The following GRM7 variants were observed in gnomAD, a reference collection of about 807,000 sequenced individuals.
GRM7 encodes metabotropic glutamate receptor 7.
In GRM7, 35 loss-of-function variants were observed where a neutral mutation model predicts 84.5. The observed-to-expected ratio is 0.41, with a 90% CI of 0.32 to 0.55. The LOEUF (loss-of-function observed/expected upper bound fraction) is 0.55. GRM7 is among the 20% of genes least tolerant of loss of function. GRM7 has a pLI of 0.19. For synonymous variants in GRM7, 487 were observed against 455.1 expected, an observed-to-expected ratio of 1.07 and a Z score of -0.89; for missense variants, 1,003 against 1,194.6, an observed-to-expected ratio of 0.84 and a Z score of 2.36.
At chr3:7,096,126 C>A (rs1352874632) in intron 1 of GRM7, among the ~76,000 whole-genome samples, 4 of 152,054 alleles carry the variant, frequency 2.6e-5, no homozygotes, top group African/African-American at 9.7e-5. Context: ...ATTCTGCTCT[C>A]CCCTATCCTA....
intron 8 of GRM7, among the ~76,000 whole-genome samples, chr3:7,588,822 C>T (rs116355919): frequency 6.6e-6 from 1 of 152,186 alleles, no homozygotes; most frequent in Non-Finnish European, 1.5e-5. Flanking sequence ...ATTGCACGCT[C>T]TTCGTCCTCA....
At chr3:7,065,751 A>G (rs904601270) in intron 1 of GRM7, among the ~76,000 whole-genome samples, 4 of 151,672 alleles carry the variant, frequency 2.6e-5, no homozygotes, top group Non-Finnish European at 4.4e-5. Flanking sequence ...TCAGATGGAG[A>G]TTGCATTGAA....
chr3:7,208,419 C>T (rs1051908895), intron 2 of GRM7, among the ~76,000 whole-genome samples: 1 of 152,046 alleles, frequency 6.6e-6, no homozygotes, highest in African/African-American at 2.4e-5. Context: ...TGGTGCGTGA[C>T]CTTAGTCAAG....
intron 2 of GRM7, among the ~76,000 whole-genome samples, chr3:7,254,125 T>C (rs1698112686): frequency 6.6e-6 from 1 of 152,170 alleles, no homozygotes; most frequent in African/African-American, 2.4e-5. Context: ...CACAGCTAAC[T>C]TCAGCAAGGT....
chr3:7,351,088 G>T (rs748457565), intron 4 of GRM7, among the ~76,000 whole-genome samples: 2 of 152,082 alleles, frequency 1.3e-5, no homozygotes, highest in Non-Finnish European at 2.9e-5. Context: ...AAAGGATCCA[G>T]TCAGGTCTCA....
intron 2 of GRM7, among the ~76,000 whole-genome samples, chr3:7,278,143 G>A (rs1433640447): frequency 2.0e-5 from 3 of 152,008 alleles, no homozygotes; most frequent in East Asian, 1.9e-4. Context: ...GTGATAAGAT[G>A]CACAAAGACT....
At chr3:7,432,421 A>G (rs939362129) in intron 5 of GRM7, among the ~76,000 whole-genome samples, 3 of 152,120 alleles carry the variant, frequency 2.0e-5, no homozygotes, top group Non-Finnish European at 4.4e-5. Context: ...CCTGGGTTCA[A>G]GTGATTCTCC....
At chr3:7,424,097 G>C (rs1193049650) in intron 5 of GRM7, among the ~76,000 whole-genome samples, 1 of 152,068 alleles carries the variant, frequency 6.6e-6, no homozygotes, top group East Asian at 1.9e-4. Context: ...AAGTTACTCA[G>C]ACATTCCCAA....
chr3:7,664,581 T>A (rs1311695178), intron 8 of GRM7, among the ~76,000 whole-genome samples: 1 of 152,228 alleles, frequency 6.6e-6, no homozygotes, highest in Non-Finnish European at 1.5e-5. Context: ...TACATAGGTA[T>A]ACACGTGCAA....
intron 8 of GRM7, among the ~76,000 whole-genome samples, chr3:7,661,834 T>TATCA (rs1220962211): frequency 2.9e-5 from 3 of 102,084 alleles, no homozygotes; most frequent in Non-Finnish European, 4.1e-5. Context: ...AAAATGCTAC[T>TATCA]ATCAGTTTGG....
intron 1 of GRM7, among the ~76,000 whole-genome samples, chr3:7,096,878 A>G (rs1225236124): frequency 6.6e-6 from 1 of 152,182 alleles, no homozygotes; most frequent in Non-Finnish European, 1.5e-5. Flanking sequence ...ATTCTTTATT[A>G]TGCTATAGAT....
chr3:7,355,828 A>G (rs555043122), intron 4 of GRM7, among the ~76,000 whole-genome samples: 1 of 152,170 alleles, frequency 6.6e-6, no homozygotes, highest in East Asian at 1.9e-4. Context: ...TATTCCTGCT[A>G]TGTTGTCTTC....
chr3:6,933,188 A>G (rs1284686084), intron 1 of GRM7, among the ~76,000 whole-genome samples: 2 of 152,262 alleles, frequency 1.3e-5, no homozygotes, highest in East Asian at 3.8e-4. Context: ...CTGAAAGACA[A>G]TAGTTATTAT....
chr3:6,935,513 C>T (rs79831667), intron 1 of GRM7, among the ~76,000 whole-genome samples: 2,949 of 151,686 alleles, frequency 0.019, 104 homozygotes, highest in African/African-American at 0.068. Context: ...GTTTATTGCC[C>T]CTCAAGGTCT....
chr3:7,220,756 C>T (rs926307896), intron 2 of GRM7, among the ~76,000 whole-genome samples: 1 of 152,162 alleles, frequency 6.6e-6, no homozygotes, highest in Admixed American at 6.5e-5. Context: ...ATTGTCTTCA[C>T]AATTTTTCTG....
At chr3:6,998,216 A>C (rs1694893161) in intron 1 of GRM7, among the ~76,000 whole-genome samples, 1 of 151,520 alleles carries the variant, frequency 6.6e-6, no homozygotes, top group African/African-American at 2.4e-5. Flanking sequence ...GGAGAAATTG[A>C]CCAAAACAAA....
Position 7,466,304 on chromosome 3 carries a change from C to T in GRM7, c.1515+4582C>T, listed in dbSNP as rs182814541. Among the ~76,000 whole-genome samples, 4 of 152,234 alleles carry T rather than the reference C, an allele frequency of 2.6e-5. No homozygotes were observed. The South Asian group carries it at 6.2e-4, about 24-fold the overall frequency. Reference sequence around the variant, plus strand: ...ATATATGGCATTTTAGGGCTACAGACAGGCACTGGTTTAGAGACACCCACC... The same window carrying T: ...ATATATGGCATTTTAGGGCTACAGATAGGCACTGGTTTAGAGACACCCACC... On this transcript the variant is annotated intron_variant, in intron 7 of 9. Coordinates refer to ENST00000357716, the MANE Select transcript of GRM7 (RefSeq NM_000844.4).
intron 1 of GRM7, among the ~76,000 whole-genome samples, chr3:7,034,251 G>A (rs1420249494): frequency 6.6e-6 from 1 of 151,718 alleles, no homozygotes; most frequent in Non-Finnish European, 1.5e-5. Flanking sequence ...CAGCTTTTCT[G>A]ATCTCATCCC....
chr3:7,688,047 C>T lies in GRM7; in HGVS notation c.2698+7752C>T, dbSNP rs1700654251. 3.3e-5 allele frequency among the ~76,000 whole-genome samples: 5 copies of T among 152,148 alleles called. No individual in the cohort carries two copies. In the South Asian group the frequency reaches 1.0e-3, roughly 32 times the overall value. ...CTAGTCAAAACACTGGAGCTCAACA[C>T]TTTAATAGTCTTTTTACGTGAGACT... is the stretch of plus-strand genomic sequence containing the variant. On this transcript the variant is annotated intron_variant, in intron 9 of 9. Transcript: ENST00000357716.
Sources: allele counts gnomAD v4.1 joint callset (sites outside exome capture counted in the v4.1 genomes callset), GRCh38; gene constraint gnomAD v4.1.1; transcripts MANE v1.5; gene names NCBI Gene and HGNC (gene_info 2026-07-23, HGNC 2026-07-21).